The following LRP6 variants were observed in gnomAD, a reference collection of about 807,000 sequenced individuals.
LRP6 encodes the protein low-density lipoprotein receptor-related protein 6.
LRP6 carries 43 observed loss-of-function variants against 184.1 expected under a neutral mutation model. That is an observed-to-expected ratio of 0.23 (90% CI 0.18 to 0.30). The LOEUF (loss-of-function observed/expected upper bound fraction) is 0.30. LRP6 is among the 10% of genes least tolerant of loss of function. The pLI is 1.00. For missense variants in LRP6, 1,571 were observed against 2,005.3 expected, an observed-to-expected ratio of 0.78 and a Z score of 4.14; for synonymous variants, 719 against 684.9, an observed-to-expected ratio of 1.05 and a Z score of -0.78.
intron 2 of LRP6, among the ~76,000 whole-genome samples, chr12:12,209,797 A>C (rs1341744043): frequency 6.6e-6 from 1 of 152,222 alleles, no homozygotes; most frequent in Admixed American, 6.5e-5. Flanking sequence ...ATATGAAAAT[A>C]AGCAAGGCAA....
At chr12:12,169,257 T>C (rs1306005515) in intron 7 of LRP6, among the ~76,000 whole-genome samples, 2 of 150,990 alleles carry the variant, frequency 1.3e-5, no homozygotes, top group African/African-American at 4.9e-5. Context: ...ATAATAATAA[T>C]AAATAAAAGT....
intron 12 of LRP6, among the ~76,000 whole-genome samples, chr12:12,153,807 G>A (rs1950113619): frequency 6.6e-6 from 1 of 152,176 alleles, no homozygotes. Context: ...CAGAGAAGCT[G>A]GAGGATGAGA....
intron 1 of LRP6, among the ~76,000 whole-genome samples, chr12:12,249,739 A>G (rs961545465): frequency 4.1e-5 from 6 of 147,438 alleles, no homozygotes; most frequent in Non-Finnish European, 7.4e-5. Flanking sequence ...AAGGAAATAA[A>G]TTAATTAAAG....
At chr12:12,131,221 C>A (rs1284595734) in intron 18 of LRP6, among the ~76,000 whole-genome samples, 1 of 151,086 alleles carries the variant, frequency 6.6e-6, no homozygotes, top group Non-Finnish European at 1.5e-5. Context: ...CATTCTCCTG[C>A]CTCAGCCTCC....
chr12:12,167,578 G>A (rs1413878199), intron 7 of LRP6, among the ~76,000 whole-genome samples: 1 of 151,912 alleles, frequency 6.6e-6, no homozygotes, highest in East Asian at 1.9e-4. Context: ...AGGAGGCAGA[G>A]GTTGCAGTGT....
At chr12:12,260,035 G>C (rs1268353230) in intron 1 of LRP6, among the ~76,000 whole-genome samples, 2 of 152,076 alleles carry the variant, frequency 1.3e-5, no homozygotes, top group African/African-American at 2.4e-5. Context: ...CTGTTCTGTA[G>C]CTTATTTATA....
rs35053686 is a variant in LRP6 at position 12,135,479 on chromosome 12, CATTATT to C, written c.3608-185_3608-180del. Among the ~76,000 whole-genome samples, 143 of 144,106 alleles carry C rather than the reference CATTATT, an allele frequency of 9.9e-4. 1 individual carries two copies. Among genetic ancestry groups the C allele is most frequent in the African/African-American group, 2.8e-3 (109 of 39,406 alleles). 94.5% of individuals were successfully genotyped at this position (144,106 alleles called of 152,430 possible). A position where few individuals can be genotyped will look rare whatever the true frequency, so the allele number is the denominator to read the frequency against. On this transcript the variant is annotated intron_variant, in intron 16 of 22. Coordinates refer to ENST00000261349, the MANE Select transcript of LRP6 (RefSeq NM_002336.3). ...TATTATGGACTTTTTTTACTTTTAT[CATTATT>C]ATTATTATTATTATTATTATTATTT...
At chr12:12,158,459 G>A (rs1254703086) in intron 12 of LRP6, among the ~76,000 whole-genome samples, 2 of 152,032 alleles carry the variant, frequency 1.3e-5, no homozygotes, top group African/African-American at 4.8e-5. Context: ...CTGAGTAGGT[G>A]GGACTACAAA....
At chr12:12,136,909 TTCTGAAAA>T (rs1389503252) in intron 16 of LRP6, among the ~76,000 whole-genome samples, 5 of 152,218 alleles carry the variant, frequency 3.3e-5, no homozygotes, top group African/African-American at 1.2e-4. Context: ...TCCCTTGAAA[TTCTGAAAA>T]TCTTGAGATT....
At chr12:12,232,779 AATAATC>A (rs1469599000) in intron 2 of LRP6, among the ~76,000 whole-genome samples, 1 of 152,234 alleles carries the variant, frequency 6.6e-6, no homozygotes, top group Non-Finnish European at 1.5e-5. Context: ...TGCATGCTAA[AATAATC>A]AATAGATGAG....
rs35341305 is a variant in LRP6, at chr12:12,180,240, C to CTTT, written c.1374-262_1374-260dup. Among the ~76,000 whole-genome samples the CTTT allele has an allele frequency of 4.1e-4, 52 of 126,100 alleles. 1 individual carries two copies. The highest frequency in any genetic ancestry group is 1.1e-3 in the African/African-American group (37 of 33,688). 82.7% of individuals were successfully genotyped at this position (126,100 alleles called of 152,430 possible). On this transcript the variant is annotated intron_variant, in intron 6 of 22. Coordinates refer to ENST00000261349, the MANE Select transcript of LRP6 (RefSeq NM_002336.3). ...CAATAATGAGATTACAGTTTTACTTCTTTTTTTTTTTTTTTTTTTTAAATA... is the reference window on the plus strand; with the variant it reads ...CAATAATGAGATTACAGTTTTACTTCTTTTTTTTTTTTTTTTTTTTTTTAAATA...
rs535099634 is a variant in LRP6, at chr12:12,224,430, T to C, written c.449+19832A>G. On this transcript the variant is annotated intron_variant, in intron 2 of 22. Transcript: ENST00000261349. ...CATGCACATACCACCTTTTTTTTTT[T>C]CCCACAATCTCTAGGAGACTCATTT... 1.7e-3 allele frequency among the ~76,000 whole-genome samples: 263 copies of C among 152,164 alleles called. 1 individual carries two copies. Among genetic ancestry groups the C allele is most frequent in the East Asian group, 0.016 (85 of 5,178 alleles).
chr12:12,191,536 C>T (rs1212815849), intron 3 of LRP6, among the ~76,000 whole-genome samples: 1 of 151,828 alleles, frequency 6.6e-6, no homozygotes, highest in Non-Finnish European at 1.5e-5. Flanking sequence ...ACATCAAATC[C>T]CATTAATAAG....
chr12:12,236,496 C>G (rs1864935845), intron 2 of LRP6, among the ~76,000 whole-genome samples: 1 of 152,130 alleles, frequency 6.6e-6, no homozygotes. Flanking sequence ...GGGGGGTTCC[C>G]CACACCAAGC....
chr12:12,245,990 T>C (rs1204012573), intron 1 of LRP6, among the ~76,000 whole-genome samples: 1 of 142,512 alleles, frequency 7.0e-6, no homozygotes, highest in Non-Finnish European at 1.5e-5. Flanking sequence ...TTTAATTTTA[T>C]ATAAACTTTT....
At position 12,131,935 on chromosome 12, in the gene LRP6, G is replaced by A; in HGVS notation, c.3856C>T (p.Pro1286Ser). 6.2e-7 allele frequency: 1 copy of A among 1,614,174 alleles called. No homozygotes were observed. The highest frequency in any genetic ancestry group is 8.5e-7 in the Non-Finnish European group (1 of 1,180,016). The change falls in exon 18 of 23, where the codon CCT (proline) becomes TCT (serine). Residue 1286 changes from proline to serine, a missense_variant. Coordinates refer to ENST00000261349, the MANE Select transcript of LRP6 (RefSeq NM_002336.3). ...TGGAACTGGGACTCTGAGCATACAG[G>A]ACAATTGAGTTCATCACTGTGGTCT... ...CEDHSDELNC[P>S]VCSESQFQCA...
intron 16 of LRP6, among the ~76,000 whole-genome samples, chr12:12,136,080 G>A (rs746432997): frequency 1.3e-5 from 2 of 152,020 alleles, no homozygotes; most frequent in East Asian, 1.9e-4. Flanking sequence ...CCAGCTACTC[G>A]GGAGGCTGAG....
rs1865368805 is a variant in LRP6 at position 12,253,233 on chromosome 12, C to T, written c.56-8578G>A. Among the ~76,000 whole-genome samples, 5 of 152,280 alleles carry T rather than the reference C, an allele frequency of 3.3e-5. No individual in the cohort carries two copies. In the South Asian group the frequency reaches 1.0e-3, roughly 32 times the overall value. ...GGGCCAAGATCGCGCCACTGAACTCCAGCCTGGGCAACACAGCGAGACTCT... is the reference window on the plus strand; with the variant it reads ...GGGCCAAGATCGCGCCACTGAACTCTAGCCTGGGCAACACAGCGAGACTCT... On this transcript the variant is annotated intron_variant, in intron 1 of 22. Transcript: ENST00000261349.
chr12:12,175,694 TAA>T (rs1863162733), intron 7 of LRP6, among the ~76,000 whole-genome samples: 1 of 107,328 alleles, frequency 9.3e-6, no homozygotes, highest in South Asian at 4.0e-4. Context: ...CCGTCTCAAA[TAA>T]AAAATAAAAT....
Sources: allele counts gnomAD v4.1 joint callset (sites outside exome capture counted in the v4.1 genomes callset), GRCh38; gene constraint gnomAD v4.1.1; transcripts MANE v1.5; gene names NCBI Gene and HGNC (gene_info 2026-07-23, HGNC 2026-07-21).